DAB1: variants seen among roughly 807,000 people sequenced by gnomAD.
DAB1 encodes the protein disabled homolog 1.
A neutral mutation model predicts 64.6 loss-of-function variants in DAB1; 15 were observed. That is an observed-to-expected ratio of 0.23 (90% CI 0.16 to 0.36). The LOEUF is 0.36. Among genes scored for constraint, DAB1 ranks in the 10% least tolerant of loss-of-function variants. DAB1 has a pLI of 1.00. For missense variants in DAB1, 596 were observed against 706.7 expected (o/e 0.84, Z 1.78); for synonymous variants, 235 against 251.9 (o/e 0.93, Z 0.64).
intron 4 of DAB1, among the ~76,000 whole-genome samples, chr1:58,326,456 G>A (rs969558398): frequency 3.3e-5 from 5 of 152,224 alleles, no homozygotes; most frequent in Non-Finnish European, 7.3e-5. Context: ...AGGAGGACTT[G>A]AGGAGGAGAA....
Position 57,779,886 on chromosome 1 carries a change from T to C in DAB1, n.551+104113A>G, listed in dbSNP as rs556901035. 2.6e-5 allele frequency among the ~76,000 whole-genome samples: 4 copies of C among 152,288 alleles called. No homozygotes were observed. The South Asian group carries it at 8.3e-4, about 32-fold the overall frequency. On this transcript the variant is annotated intron_variant and non_coding_transcript_variant, in intron 6 of 20. Coordinates refer to the DAB1 transcript ENST00000485760. ...ATGGATACTAGGCTGTGTGCCATTC[T>C]CCATCAAGAAGAGAGGCCTGAGGCC...
chr1:57,061,146 T>C (rs1056978426), intron 9 of DAB1, among the ~76,000 whole-genome samples: 1 of 149,634 alleles, frequency 6.7e-6, no homozygotes, highest in Non-Finnish European at 1.5e-5. Context: ...TCCCTAGACT[T>C]GGGTTTTTGA....
chr1:57,774,624 G>T (rs933287027), intron 6 of DAB1, among the ~76,000 whole-genome samples: 3 of 151,748 alleles, frequency 2.0e-5, no homozygotes, highest in Non-Finnish European at 3.0e-5. Context: ...AATGAGTGTT[G>T]AATTTTGTCA....
chr1:58,127,129 T>C (rs988165219), intron 5 of DAB1, among the ~76,000 whole-genome samples: 1 of 151,460 alleles, frequency 6.6e-6, no homozygotes, highest in Non-Finnish European at 1.5e-5. Flanking sequence ...TGTTGTTTCC[T>C]GACTTTTTAA....
chr1:57,132,787 G>A (rs544186988), intron 4 of DAB1, among the ~76,000 whole-genome samples: 1 of 152,208 alleles, frequency 6.6e-6, no homozygotes, highest in East Asian at 1.9e-4. Context: ...AGCAGCCCCA[G>A]TTGTAACTCC....
At chr1:57,292,081 A>C (rs1672822478) in intron 1 of DAB1, among the ~76,000 whole-genome samples, 1 of 152,180 alleles carries the variant, frequency 6.6e-6, no homozygotes, top group Non-Finnish European at 1.5e-5. Flanking sequence ...ACTTTTGAAA[A>C]ATATTAAGAA....
At chr1:57,728,593 C>CA (rs1034778043) in intron 6 of DAB1, among the ~76,000 whole-genome samples, 39 of 145,368 alleles carry the variant, frequency 2.7e-4, no homozygotes, top group East Asian at 1.2e-3. Flanking sequence ...GACTCCGTCT[C>CA]AAAAAAAAAC....
intron 7 of DAB1, among the ~76,000 whole-genome samples, chr1:57,499,749 T>G (rs113898181): frequency 1.8e-4 from 27 of 152,368 alleles, no homozygotes; most frequent in African/African-American, 6.5e-4. Context: ...GATTACTGGC[T>G]GCATGAAAGA....
chr1:57,412,076 A>T (rs958462528), intron 1 of DAB1, among the ~76,000 whole-genome samples: 2 of 152,082 alleles, frequency 1.3e-5, no homozygotes, highest in African/African-American at 4.8e-5. Flanking sequence ...ACTTATTATG[A>T]TGATTTGTGA....
At chr1:57,148,190 T>G (rs1659331902) in intron 2 of DAB1, among the ~76,000 whole-genome samples, 1 of 152,098 alleles carries the variant, frequency 6.6e-6, no homozygotes, top group Non-Finnish European at 1.5e-5. Context: ...AAAGAAGCCT[T>G]AAGAAACATT....
chr1:58,297,320 G>A (rs996004736), intron 4 of DAB1, among the ~76,000 whole-genome samples: 8 of 152,154 alleles, frequency 5.3e-5, no homozygotes, highest in African/African-American at 1.7e-4. Context: ...ACTTGGATAG[G>A]TTGCTTCAAA....
chr1:57,711,215 CTAT>C (rs1647025572), intron 6 of DAB1, among the ~76,000 whole-genome samples: 1 of 152,202 alleles, frequency 6.6e-6, no homozygotes, highest in Non-Finnish European at 1.5e-5. Context: ...ATCATTTAAA[CTAT>C]AAACTAAATG....
intron 5 of DAB1, among the ~76,000 whole-genome samples, chr1:58,130,648 G>C (rs1420572603): frequency 2.0e-5 from 3 of 151,804 alleles, no homozygotes; most frequent in Admixed American, 6.6e-5. Context: ...TGTAAGGCAG[G>C]CCTGGTGGTG....
At chr1:57,613,887 T>G (rs1275371614) in intron 7 of DAB1, among the ~76,000 whole-genome samples, 2 of 152,180 alleles carry the variant, frequency 1.3e-5, no homozygotes, top group Non-Finnish European at 2.9e-5. Flanking sequence ...CAAGTCAAAG[T>G]ACTCCTTTGT....
intron 5 of DAB1, chr1:58,048,082 C>T: frequency 2.7e-6 from 2 of 744,654 alleles, no homozygotes; most frequent in South Asian, 2.9e-5. Flanking sequence ...GCCCTGCCAC[C>T]ACTGTGTTTG....
intron 5 of DAB1, among the ~76,000 whole-genome samples, chr1:57,958,043 A>G (rs1002569669): frequency 5.3e-5 from 8 of 151,428 alleles, no homozygotes; most frequent in African/African-American, 1.5e-4. Context: ...GGAGTGCAGT[A>G]GCATGATCTC....
intron 5 of DAB1, among the ~76,000 whole-genome samples, chr1:58,120,780 T>C (rs1279846419): frequency 6.6e-6 from 1 of 152,186 alleles, no homozygotes; most frequent in African/African-American, 2.4e-5. Flanking sequence ...AGCCCTCACC[T>C]GCGGCCACAT....
intron 10 of DAB1, among the ~76,000 whole-genome samples, chr1:57,025,753 G>A (rs765520770): frequency 3.3e-5 from 5 of 152,192 alleles, no homozygotes; most frequent in South Asian, 2.1e-4. Flanking sequence ...GCATGGTCTC[G>A]TTTATTTCTC....
chr1:58,510,340 T>G (rs1461137690), intron 2 of DAB1, among the ~76,000 whole-genome samples: 1 of 152,054 alleles, frequency 6.6e-6, no homozygotes, highest in African/African-American at 2.4e-5. Context: ...AAAAATCAAT[T>G]AATGTGATAT....
Sources: allele counts gnomAD v4.1 joint callset (sites outside exome capture counted in the v4.1 genomes callset), GRCh38; gene constraint gnomAD v4.1.1; transcripts MANE v1.5; gene names NCBI Gene and HGNC (gene_info 2026-07-23, HGNC 2026-07-21).